The following ANKRD13D variants were observed in gnomAD, a reference collection of about 807,000 sequenced individuals.
ANKRD13D encodes ankyrin repeat domain 13D.
ANKRD13D carries 24 observed loss-of-function variants against 68.8 expected under a neutral mutation model. The ratio of observed to expected loss-of-function variants is 0.35; its 90% CI spans 0.25 to 0.49. The LOEUF (loss-of-function observed/expected upper bound fraction) is 0.49, where lower values mean the gene tolerates loss of function less well. Ranked by LOEUF, ANKRD13D falls within the 20% of genes least tolerant of loss-of-function variation. ANKRD13D has a pLI of 0.99. For synonymous variants in ANKRD13D, 331 were observed against 336.1 expected, an observed-to-expected ratio of 0.98 and a Z score of 0.16; for missense variants, 735 against 832.1, an observed-to-expected ratio of 0.88 and a Z score of 1.44.
At position 67,300,469 on chromosome 11, in the gene ANKRD13D, A is replaced by C; in HGVS notation, c.1073+346A>C. ...TCTGCCTTGGTGGAACAGAACAGTT[A>C]CGCTCTTGCCTCGTGAGGAGCCTTG... On this transcript the variant is annotated intron_variant, in intron 10 of 14. Coordinates refer to ENST00000511455, the MANE Select transcript of ANKRD13D (RefSeq NM_207354.3). This position sits in a 1 kb window ranked among gnomAD's most constrained non-coding sequence, Gnocchi z 4.3. The C allele has an allele frequency of 2.9e-6, 1 of 348,210 alleles. No homozygotes were observed. Among genetic ancestry groups the C allele is most frequent in the Non-Finnish European group, 5.3e-6 (1 of 188,050 alleles). 21.6% of individuals were successfully genotyped at this position (348,210 alleles called of 1,614,324 possible). A position where few individuals can be genotyped will look rare whatever the true frequency, so the allele number is the denominator to read the frequency against.
In ANKRD13D at chr11:67,291,698, C is replaced by A; in HGVS notation, c.493C>A (p.His165Asn). The part of the protein sequence containing the change: ...RVDTSLLGFE[H>N]MTWQRGRRSF... ...AGACACCAGTCTCCTGGGCTTCGAGCACATGACCTGGCAGCGGGGCCGGAG... is the reference window on the plus strand; with the variant it reads ...AGACACCAGTCTCCTGGGCTTCGAGAACATGACCTGGCAGCGGGGCCGGAG... Residue 165 changes from histidine (H) to asparagine (N), a missense_variant, in exon 5 of 15, where the codon CAC (histidine) becomes AAC (asparagine). By Grantham distance (68) the His-to-Asn change is moderately conservative (BLOSUM62 1). Transcript: ENST00000511455. 6.2e-7 allele frequency: 1 copy of A among 1,614,106 alleles called. No homozygotes were observed. Among genetic ancestry groups the A allele is most frequent in the Admixed American group, 1.7e-5 (1 of 60,032 alleles).
chr11:67,296,355 GTGTGTGTGTGTA>G (rs886986351), intron 6 of ANKRD13D, among the ~76,000 whole-genome samples: 4 of 151,772 alleles, frequency 2.6e-5, no homozygotes, highest in African/African-American at 9.7e-5. Flanking sequence ...GTGTGTGTGT[GTGTGTGTGTGTA>G]TGTGTGTATA....
rs1468485105 is a variant in ANKRD13D at position 67,301,471 on chromosome 11, C to G, written c.1349-17C>G. 1.2e-6 allele frequency: 2 copies of G among 1,610,850 alleles called. No homozygotes were observed. The highest frequency in any genetic ancestry group is 2.2e-5 in the South Asian group (2 of 90,898). On this transcript the variant is annotated splice_polypyrimidine_tract_variant and intron_variant, in intron 12 of 14. Transcript: ENST00000511455. This position sits in a 1 kb window ranked among gnomAD's most constrained non-coding sequence, Gnocchi z 4.5. The stretch of plus-strand genomic sequence containing the variant: ...AAGCCCCGCGGGTTGAGCGTGGCCC[C>G]TCTGCCACCTGCCTAGGGAACCCTT...
intron 6 of ANKRD13D, among the ~76,000 whole-genome samples, chr11:67,293,028 C>G (rs1159616660): frequency 6.6e-6 from 1 of 152,120 alleles, no homozygotes; most frequent in Admixed American, 6.5e-5. Context: ...TATACCATAT[C>G]TTGTTTATTC....
chr11:67,298,734 A>G (rs757513077), intron 6 of ANKRD13D: 18 of 333,838 alleles, frequency 5.4e-5, no homozygotes, highest in Non-Finnish European at 1.0e-4. Flanking sequence ...GAGTGTGTCA[A>G]AGCTCATCCC....
chr11:67,300,529 T>C lies in ANKRD13D; in HGVS notation c.1073+406T>C. 1 of 330,332 alleles carries C rather than the reference T, an allele frequency of 3.0e-6. No homozygotes were observed. Among genetic ancestry groups the C allele is most frequent in the Non-Finnish European group, 5.6e-6 (1 of 179,116 alleles). 20.5% of individuals were successfully genotyped at this position (330,332 alleles called of 1,614,324 possible). A position where few individuals can be genotyped will look rare whatever the true frequency, so the allele number is the denominator to read the frequency against. ...AGGCGGTAACAGCAGGCACAGTGCCTGCACAAGCCTAGCGCTCTCCCCACC... is the reference window on the plus strand; with the variant it reads ...AGGCGGTAACAGCAGGCACAGTGCCCGCACAAGCCTAGCGCTCTCCCCACC... On this transcript the variant is annotated intron_variant, in intron 10 of 14. Transcript: ENST00000511455. This position sits in a 1 kb window ranked among gnomAD's most constrained non-coding sequence, Gnocchi z 4.3.
At chr11:67,295,498 C>A (rs905787952) in intron 6 of ANKRD13D, among the ~76,000 whole-genome samples, 1 of 151,618 alleles carries the variant, frequency 6.6e-6, no homozygotes, top group African/African-American at 2.4e-5. Flanking sequence ...GCTGAGGCAG[C>A]CAGATCACTT....
Position 67,299,578 on chromosome 11 carries a change from C to A in ANKRD13D, c.847C>A (p.His283Asn). The A allele has an allele frequency of 1.3e-6, 2 of 1,551,174 alleles. No individual in the cohort carries two copies. The highest frequency in any genetic ancestry group is 1.7e-6 in the Non-Finnish European group (2 of 1,146,940). The part of the protein sequence containing the change: ...VELVTRTRTE[H>N]LSDQDKSRSK... The stretch of plus-strand genomic sequence containing the variant: ...GCTGGTGACACGCACACGCACGGAG[C>A]ACCTCTCTGATCAGGACAAGTCGAG... The change falls in exon 8 of 15, where the codon CAC becomes AAC. Residue 283 changes from histidine (H) to asparagine (N), a missense_variant. Transcript: ENST00000511455. This position sits in a 1 kb window ranked among gnomAD's most constrained non-coding sequence, Gnocchi z 6.2.
intron 6 of ANKRD13D, among the ~76,000 whole-genome samples, chr11:67,296,213 A>C (rs1860750660): frequency 6.6e-6 from 1 of 152,114 alleles, no homozygotes; most frequent in African/African-American, 2.4e-5. Flanking sequence ...TATCTGGGTG[A>C]TGCCTCATAA....
intron 6 of ANKRD13D, 25 bp downstream of exon 6, chr11:67,292,205 G>A (rs752760501): frequency 6.4e-7 from 1 of 1,562,948 alleles, no homozygotes; most frequent in South Asian, 1.1e-5. Context: ...GGCACACCGT[G>A]GGTGGGATGG....
In ANKRD13D at chr11:67,300,354, A is replaced by T. The variant is rs142470779; in HGVS notation, c.1073+231A>T. ...GATGAATGGATGGTGCCACCCATGTATGGTTTTCTATTGAATTTCATGAGT... is the reference window on the plus strand; with the variant it reads ...GATGAATGGATGGTGCCACCCATGTTTGGTTTTCTATTGAATTTCATGAGT... On this transcript the variant is annotated intron_variant, in intron 10 of 14. Coordinates refer to ENST00000511455, the MANE Select transcript of ANKRD13D (RefSeq NM_207354.3). The surrounding 1 kb of genome is among the most constrained non-coding windows in gnomAD (Gnocchi z 4.3). The T allele has an allele frequency of 3.1e-4, 173 of 558,950 alleles. 2 individuals carry two copies. The highest frequency in any genetic ancestry group is 3.1e-3 in the African/African-American group (161 of 52,578). The allele number at this position is 558,950 out of a possible 1,614,324, so 34.6% of individuals were successfully genotyped here. A position where few individuals can be genotyped will look rare whatever the true frequency, so the allele number is the denominator to read the frequency against.
In ANKRD13D at chr11:67,290,463, T is replaced by C. The variant is rs767522384; in HGVS notation, c.351+17T>C. 4.5e-6 allele frequency: 7 copies of C among 1,559,846 alleles called. No homozygotes were observed. The highest frequency in any genetic ancestry group is 6.1e-6 in the Non-Finnish European group (7 of 1,151,346). ...CTTCGCCAGGTACAGCAGGGCACAG[T>C]TATGGAGGTGGGGTACCATGGCAGG... On this transcript the variant is annotated intron_variant, in intron 3 of 14. Coordinates refer to ENST00000511455, the MANE Select transcript of ANKRD13D (RefSeq NM_207354.3).
At chr11:67,297,293 G>A (rs186868833) in intron 6 of ANKRD13D, among the ~76,000 whole-genome samples, 40 of 149,226 alleles carry the variant, frequency 2.7e-4, no homozygotes, top group African/African-American at 8.6e-4. Context: ...TGCAACCTCC[G>A]CCTCCCAGGC....
At chr11:67,292,486 C>T (rs1473417926) in intron 6 of ANKRD13D, among the ~76,000 whole-genome samples, 1 of 152,100 alleles carries the variant, frequency 6.6e-6, no homozygotes, top group Non-Finnish European at 1.5e-5. Flanking sequence ...GCTCTTTGCA[C>T]CAATGTTGGC....
At position 67,300,063 on chromosome 11, in the gene ANKRD13D, A is replaced by G. The variant is rs764513964; in HGVS notation, c.1013A>G (p.Asn338Ser). ...TCCCCTGAGGAGTACTTCGACCCCA[A>G]CTTCAGCCTGGAGTCACGGAACATT... ...AISPEEYFDPNFSLESRNIGR... is the reference protein window; with the variant it reads ...AISPEEYFDPSFSLESRNIGR... The change falls in exon 10 of 15, where the codon AAC (asparagine) becomes AGC (serine). Residue 338 changes from asparagine (N) to serine (S), a missense_variant. Physicochemically the swap from Asn to Ser is conservative, Grantham distance 46 (BLOSUM62 1). Transcript: ENST00000511455. The surrounding 1 kb of genome is among the most constrained non-coding windows in gnomAD (Gnocchi z 4.3). The G allele has an allele frequency of 3.6e-5, 58 of 1,613,960 alleles. No individual in the cohort carries two copies. The highest frequency in any genetic ancestry group is 4.7e-5 in the Non-Finnish European group (56 of 1,179,950).
chr11:67,292,130 C>G lies in ANKRD13D; in HGVS notation c.681C>G (p.Thr227=), dbSNP rs781103774. Residue 227 remains threonine, a synonymous_variant, in exon 6 of 15, where the codon ACC becomes ACG. Coordinates refer to ENST00000511455, the MANE Select transcript of ANKRD13D (RefSeq NM_207354.3). ...AGGAGCATGTGGCCAGTCGCCTCACCTCTCCTATCGTCTCCACCCACCTGG... is the reference window on the plus strand; with the variant it reads ...AGGAGCATGTGGCCAGTCGCCTCACGTCTCCTATCGTCTCCACCCACCTGG... The part of the protein sequence containing the change: ...PSEEHVASRL[T]SPIVSTHLDT... The G allele has an allele frequency of 1.2e-6, 2 of 1,612,018 alleles. No individual in the cohort carries two copies. The highest frequency in any genetic ancestry group is 3.3e-5 in the Admixed American group (2 of 59,978).
At position 67,290,131 on chromosome 11, in the gene ANKRD13D, G is replaced by A; in HGVS notation, c.144G>A (p.Val48=). ...PRGRTPLELA[V]SLGNLESVRV... is the part of the protein sequence containing the mutation. ...GGCGGACCCCACTGGAGCTGGCCGT[G>A]TCTCTGGGAAACCTGGAGTCTGTGA... is the stretch of plus-strand genomic sequence containing the variant. The change falls in exon 2 of 15, where the codon GTG becomes GTA. Residue 48 remains valine (V), a synonymous_variant. Coordinates refer to ENST00000511455, the MANE Select transcript of ANKRD13D (RefSeq NM_207354.3). The A allele has an allele frequency of 6.5e-7, 1 of 1,537,164 alleles. No homozygotes were observed. The highest frequency in any genetic ancestry group is 8.7e-7 in the Non-Finnish European group (1 of 1,146,908).
chr11:67,289,633 C>CTG, intron 1 of ANKRD13D, 83 bp downstream of exon 1: 20 of 1,081,366 alleles, frequency 1.8e-5, no homozygotes, highest in Non-Finnish European at 2.2e-5. Flanking sequence ...CCCCCCCCCC[C>CTG]CCCCGCCCGC....
rs1488984153 is a variant in ANKRD13D at position 67,299,036 on chromosome 11, G to A, written c.732-22G>A. On this transcript the variant is annotated intron_variant, in intron 6 of 14. Transcript: ENST00000511455. This position sits in a 1 kb window ranked among gnomAD's most constrained non-coding sequence, Gnocchi z 6.2. ...GCGTGTGAGGGTGCAGGTCTCACCA[G>A]CTCCTGTTTGGTCTGTTTCAGGAAC... is the stretch of plus-strand genomic sequence containing the variant. 1.9e-6 allele frequency: 3 copies of A among 1,613,722 alleles called. No homozygotes were observed. The highest frequency in any genetic ancestry group is 1.6e-4 in the Middle Eastern group (1 of 6,062).
Sources: gnomAD v4.1 joint callset for allele counts (sites outside exome capture counted in the v4.1 genomes callset) on GRCh38, gnomAD v4.1.1 for gene constraint, Gnocchi (gnomAD v3.1) non-coding constraint, MANE v1.5 for transcripts, NCBI Gene and HGNC (gene_info 2026-07-23, HGNC 2026-07-21) for gene names.